The following NRXN3 variants were observed in gnomAD, a reference collection of about 807,000 sequenced individuals.
NRXN3 encodes the protein neurexin III.
A neutral mutation model predicts 137.6 loss-of-function variants in NRXN3; 32 were observed. The observed-to-expected ratio is 0.23, with a 90% confidence interval of 0.18 to 0.31. The LOEUF is 0.31. Among genes scored for constraint, NRXN3 ranks in the 10% least tolerant of loss-of-function variants. The pLI is 1.00. For synonymous variants in NRXN3, 798 were observed against 784.5 expected, an observed-to-expected ratio of 1.02 and a Z score of -0.29; for missense variants, 1,574 against 2,062.5, an observed-to-expected ratio of 0.76 and a Z score of 4.59.
At chr14:78,640,680 T>A (rs1042048816) in intron 4 of NRXN3, among the ~76,000 whole-genome samples, 4 of 152,224 alleles carry the variant, frequency 2.6e-5, no homozygotes, top group Admixed American at 2.6e-4. Context: ...GAAAGATCAG[T>A]ACTTCATATA....
At chr14:78,604,079 A>G (rs186284495) in intron 4 of NRXN3, among the ~76,000 whole-genome samples, 2 of 152,306 alleles carry the variant, frequency 1.3e-5, no homozygotes, top group East Asian at 3.9e-4. Context: ...GAGGCAGGCT[A>G]GAGAGAATTA....
intron 17 of NRXN3, among the ~76,000 whole-genome samples, chr14:79,667,824 T>G (rs145475809): frequency 6.6e-6 from 1 of 151,962 alleles, no homozygotes; most frequent in African/African-American, 2.4e-5. Context: ...GACTTGAGTA[T>G]GAGGAATTAA....
At chr14:79,109,795 A>C (rs1295185315) in intron 15 of NRXN3, among the ~76,000 whole-genome samples, 2 of 152,192 alleles carry the variant, frequency 1.3e-5, no homozygotes. Flanking sequence ...ATCGTTTGTC[A>C]TGCAAGGGCT....
At chr14:79,818,255 G>A (rs916944694) in intron 20 of NRXN3, among the ~76,000 whole-genome samples, 5 of 152,000 alleles carry the variant, frequency 3.3e-5, no homozygotes, top group East Asian at 3.9e-4. Context: ...GGGTTTCACC[G>A]TGGTAGCCAG....
intron 15 of NRXN3, among the ~76,000 whole-genome samples, chr14:79,165,570 G>T (rs930644130): frequency 1.3e-5 from 2 of 151,952 alleles, no homozygotes; most frequent in Non-Finnish European, 2.9e-5. Context: ...AACCTCTGGG[G>T]CCTGTTTTGC....
intron 15 of NRXN3, among the ~76,000 whole-genome samples, chr14:79,094,203 A>G (rs996603884): frequency 6.6e-6 from 1 of 152,150 alleles, no homozygotes; most frequent in Non-Finnish European, 1.5e-5. Flanking sequence ...AGGATTACCA[A>G]TCAGTGTCCT....
intron 4 of NRXN3, among the ~76,000 whole-genome samples, chr14:78,384,346 A>G (rs984391011): frequency 2.6e-5 from 4 of 152,154 alleles, no homozygotes; most frequent in Admixed American, 2.6e-4. Context: ...CTCATACTCC[A>G]AGATAAGGAG....
chr14:79,245,346 G>T (rs906865025), intron 15 of NRXN3, among the ~76,000 whole-genome samples: 1 of 151,958 alleles, frequency 6.6e-6, no homozygotes, highest in African/African-American at 2.4e-5. Context: ...AGAATCCAGA[G>T]AGACAGGGAG....
intron 15 of NRXN3, among the ~76,000 whole-genome samples, chr14:79,204,077 C>G (rs527456272): frequency 6.6e-6 from 1 of 152,186 alleles, no homozygotes; most frequent in Non-Finnish European, 1.5e-5. Flanking sequence ...CAACATCCCC[C>G]TGTGTGTGGC....
chr14:78,738,178 G>A lies in NRXN3; in HGVS notation c.2044+23039G>A, dbSNP rs150341210. ...ACTTCCTAACTCCCTAAACATTCAC[G>A]TCTTCGTTCATTTATGATTTACTGA... On this transcript the variant is annotated intron_variant, in intron 8 of 20. Coordinates refer to ENST00000335750, the MANE Select transcript of NRXN3 (RefSeq NM_001330195.2). Among the ~76,000 whole-genome samples the A allele has an allele frequency of 1.7e-3, 258 of 152,264 alleles. 1 individual carries two copies. The highest frequency in any genetic ancestry group is 2.8e-3 in the Admixed American group (43 of 15,290).
At chr14:78,315,691 A>C (rs915554856) in intron 4 of NRXN3, among the ~76,000 whole-genome samples, 1 of 152,152 alleles carries the variant, frequency 6.6e-6, no homozygotes, top group African/African-American at 2.4e-5. Flanking sequence ...GAGTTGATGG[A>C]GTGGGGCCAA....
intron 2 of NRXN3, among the ~76,000 whole-genome samples, chr14:78,258,682 G>T (rs906837619): frequency 1.3e-5 from 2 of 152,168 alleles, no homozygotes; most frequent in Admixed American, 1.3e-4. Flanking sequence ...ATTCTTCACT[G>T]GTGAATAAAT....
intron 16 of NRXN3, among the ~76,000 whole-genome samples, chr14:79,502,131 A>G (rs1462230517): frequency 6.6e-6 from 1 of 152,214 alleles, no homozygotes; most frequent in Non-Finnish European, 1.5e-5. Flanking sequence ...CAGGTCTGGC[A>G]TGATCATCAC....
chr14:79,301,392 TG>T (rs1456675470), intron 15 of NRXN3, among the ~76,000 whole-genome samples: 1 of 152,066 alleles, frequency 6.6e-6, no homozygotes, highest in African/African-American at 2.4e-5. Flanking sequence ...TTCATTAAGA[TG>T]GGTTGTGGAC....
At chr14:79,515,415 C>T (rs2096973484) in intron 16 of NRXN3, among the ~76,000 whole-genome samples, 1 of 150,396 alleles carries the variant, frequency 6.6e-6, no homozygotes, top group South Asian at 2.1e-4. Context: ...CAACCTTGAG[C>T]AAGAAAGGTC....
chr14:78,988,472 C>T (rs2221698), intron 15 of NRXN3, among the ~76,000 whole-genome samples: 2 of 152,164 alleles, frequency 1.3e-5, no homozygotes, highest in African/African-American at 4.8e-5. Flanking sequence ...ATTAAATCAC[C>T]TTATCTTATT....
chr14:78,274,063 A>G (rs1007297747), intron 2 of NRXN3, among the ~76,000 whole-genome samples: 1 of 152,038 alleles, frequency 6.6e-6, no homozygotes, highest in African/African-American at 2.4e-5. Context: ...AGAATCTTGG[A>G]CTCATACCTG....
chr14:79,682,420 G>T (rs2098675338), intron 17 of NRXN3, among the ~76,000 whole-genome samples: 1 of 152,150 alleles, frequency 6.6e-6, no homozygotes, highest in South Asian at 2.1e-4. Flanking sequence ...ATCCCCTGAG[G>T]TTATTTCTTC....
At chr14:79,632,718 A>G (rs1051198914) in intron 16 of NRXN3, among the ~76,000 whole-genome samples, 1 of 151,780 alleles carries the variant, frequency 6.6e-6, no homozygotes, top group Non-Finnish European at 1.5e-5. Context: ...AATATTAAGT[A>G]TTTTATATAT....
Sources: allele counts gnomAD v4.1 joint callset (sites outside exome capture counted in the v4.1 genomes callset), GRCh38; gene constraint gnomAD v4.1.1; transcripts MANE v1.5; gene names NCBI Gene and HGNC (gene_info 2026-07-23, HGNC 2026-07-21).